TMEM201: variants seen among roughly 807,000 people sequenced by gnomAD.
The protein encoded by TMEM201 is transmembrane protein 201, also known as RP13-15M17.2.
TMEM201 carries 26 observed loss-of-function variants against 63.4 expected under a neutral mutation model. That is an observed-to-expected ratio of 0.41 (90% CI 0.30 to 0.57). TMEM201 has a LOEUF of 0.57. Among genes scored for constraint, TMEM201 ranks in the 20% least tolerant of loss-of-function variants. TMEM201 has a pLI of 0.29. For synonymous variants in TMEM201, 417 were observed against 421.6 expected (o/e 0.99, Z 0.14); for missense variants, 794 against 917.7 (o/e 0.87, Z 1.74).
In TMEM201 at chr1:9,603,532, G is replaced by T; in HGVS notation, c.1160+1260G>T. On this transcript the variant is annotated intron_variant, in intron 6 of 10. Transcript: ENST00000340381. This position sits in a 1 kb window ranked among gnomAD's most constrained non-coding sequence, Gnocchi z 4.5. ...CTGCCACTCGCCACTCTGAGCACGA[G>T]TTCACCTTCCAGATGTGGCCAGGGT... 1.0e-6 allele frequency: 1 copy of T among 985,578 alleles called. No individual in the cohort carries two copies. The highest frequency in any genetic ancestry group is 1.2e-6 in the Non-Finnish European group (1 of 830,034). 61.1% of individuals were successfully genotyped at this position (985,578 alleles called of 1,614,324 possible).
At position 9,607,233 on chromosome 1, in the gene TMEM201, C is replaced by A. The variant is rs1279619143; in HGVS notation, c.1161-324C>A. ...GGGGCTGGGCATTTTTGCTTCAAGG[C>A]GAAAGGGTTGGCATGAGGTTGGCAA... is the stretch of plus-strand genomic sequence containing the variant. On this transcript the variant is annotated intron_variant, in intron 6 of 10. Coordinates refer to ENST00000340381, the MANE Select transcript of TMEM201 (RefSeq NM_001130924.3). The surrounding 1 kb of genome is among the most constrained non-coding windows in gnomAD (Gnocchi z 5.4). Among the ~76,000 whole-genome samples the A allele has an allele frequency of 6.6e-6, 1 of 151,690 alleles. No individual in the cohort carries two copies. The highest frequency in any genetic ancestry group is 2.4e-5 in the African/African-American group (1 of 41,216).
Position 9,604,513 on chromosome 1 carries a change from T to C in TMEM201, c.1160+2241T>C, listed in dbSNP as rs1644207252. The C allele has an allele frequency of 1.0e-6, 1 of 985,338 alleles. No homozygotes were observed. The highest frequency in any genetic ancestry group is 1.7e-5 in the African/African-American group (1 of 57,240). The allele number at this position is 985,338 out of a possible 1,614,324, so 61.0% of individuals were successfully genotyped here. Reference sequence around the variant, plus strand: ...GCAGGCACCACTGTGTTGTGGCTTGTTGACCGGGAATGTGTCACCCCTGCC... The same window carrying C: ...GCAGGCACCACTGTGTTGTGGCTTGCTGACCGGGAATGTGTCACCCCTGCC... On this transcript the variant is annotated intron_variant, in intron 6 of 10. Coordinates refer to ENST00000340381, the MANE Select transcript of TMEM201 (RefSeq NM_001130924.3). This position sits in a 1 kb window ranked among gnomAD's most constrained non-coding sequence, Gnocchi z 4.1.
At chr1:9,590,164 C>G (rs1643895702) in intron 1 of TMEM201, among the ~76,000 whole-genome samples, 1 of 152,112 alleles carries the variant, frequency 6.6e-6, no homozygotes, top group African/African-American at 2.4e-5. Flanking sequence ...TTGAGTGACC[C>G]CAGCCCAGAG....
At chr1:9,602,827 T>G in intron 6 of TMEM201, 1 of 986,652 alleles carries the variant, frequency 1.0e-6, no homozygotes. Context: ...TCTGTCCCCT[T>G]GGTCCTGCTT....
chr1:9,597,398 T>A (rs1644045952), intron 3 of TMEM201, among the ~76,000 whole-genome samples: 2 of 152,190 alleles, frequency 1.3e-5, no homozygotes, highest in Admixed American at 1.3e-4. Context: ...GACCTTGGGT[T>A]CCAGGTGGGG....
chr1:9,595,672 T>G (rs902017872), intron 1 of TMEM201, among the ~76,000 whole-genome samples: 2 of 152,164 alleles, frequency 1.3e-5, no homozygotes, highest in African/African-American at 4.8e-5. Flanking sequence ...CCCTGTCTGG[T>G]CCTGGGTGGA....
At position 9,604,028 on chromosome 1, in the gene TMEM201, C is replaced by T. The variant is rs1644197450; in HGVS notation, c.1160+1756C>T. On this transcript the variant is annotated intron_variant, in intron 6 of 10. Coordinates refer to ENST00000340381, the MANE Select transcript of TMEM201 (RefSeq NM_001130924.3). This position sits in a 1 kb window ranked among gnomAD's most constrained non-coding sequence, Gnocchi z 4.1. ...ACCTGAGGGGCAGGGAACCGCCTGC[C>T]TGTGCACTCACGCCACCCCCCAGCC... 4.1e-6 allele frequency: 4 copies of T among 985,482 alleles called. No individual in the cohort carries two copies. Among genetic ancestry groups the T allele is most frequent in the African/African-American group, 3.5e-5 (2 of 57,364 alleles). The allele number at this position is 985,482 out of a possible 1,614,324, so 61.0% of individuals were successfully genotyped here.
chr1:9,593,167 T>G (rs1474059570), intron 1 of TMEM201, among the ~76,000 whole-genome samples: 1 of 152,202 alleles, frequency 6.6e-6, no homozygotes, highest in Admixed American at 6.5e-5. Context: ...AGATGCTGCC[T>G]CAACAGGCCG....
At chr1:9,612,013 C>T (rs1356683891) in intron 10 of TMEM201, 123 bp downstream of exon 10, 2 of 1,178,444 alleles carry the variant, frequency 1.7e-6, no homozygotes, top group Non-Finnish European at 2.3e-6. Flanking sequence ...CCTGAGTGGC[C>T]GACAAGTAAC....
At chr1:9,597,986 C>T (rs1644056937) in intron 3 of TMEM201, among the ~76,000 whole-genome samples, 1 of 152,172 alleles carries the variant, frequency 6.6e-6, no homozygotes, top group African/African-American at 2.4e-5. Flanking sequence ...CTGAAAGAAA[C>T]CTTCACCTGC....
rs1312287560 is a variant in TMEM201, at chr1:9,614,288, T to C, written c.*1205T>C. The C allele has an allele frequency of 1.3e-5, 2 of 152,146 alleles. No individual in the cohort carries two copies. The highest frequency in any genetic ancestry group is 4.8e-5 in the African/African-American group (2 of 41,424). 9.4% of individuals were successfully genotyped at this position (152,146 alleles called of 1,614,324 possible). A position where few individuals can be genotyped will look rare whatever the true frequency, so the allele number is the denominator to read the frequency against. On this transcript the variant is annotated 3_prime_UTR_variant, in exon 11 of 11. Coordinates refer to ENST00000340381, the MANE Select transcript of TMEM201 (RefSeq NM_001130924.3). ...GGGATAAAGTTTAATTTTATTTTTC[T>C]ACACATTTTGCCAGGTCAGGCATTT...
rs575525218 is a variant in TMEM201 at position 9,610,432 on chromosome 1, A to G, written c.1466-74A>G. The G allele has an allele frequency of 8.1e-6, 11 of 1,360,482 alleles. No individual in the cohort carries two copies. The South Asian group carries it at 1.5e-4, about 18-fold the overall frequency. 84.3% of individuals were successfully genotyped at this position (1,360,482 alleles called of 1,614,324 possible). ...CCCGGGTTAATAGAAGAATGCCCCC[A>G]GAAATGAAATAGCGCATTGTAGCGT... On this transcript the variant is annotated intron_variant, in intron 8 of 10. Transcript: ENST00000340381. The surrounding 1 kb of genome is among the most constrained non-coding windows in gnomAD (Gnocchi z 4.9).
At chr1:9,599,788 T>G (rs1045643061) in intron 4 of TMEM201, among the ~76,000 whole-genome samples, 4 of 151,362 alleles carry the variant, frequency 2.6e-5, no homozygotes, top group African/African-American at 7.3e-5. Context: ...TTTTTTGTAT[T>G]TTTAGTAGAG....
intron 6 of TMEM201, chr1:9,602,849 G>A (rs547853667): frequency 1.9e-5 from 19 of 985,778 alleles, no homozygotes; most frequent in African/African-American, 1.4e-4. Flanking sequence ...TGGCTGGACC[G>A]GCCCTGCAGG....
chr1:9,601,600 G>T, intron 5 of TMEM201, 146 bp downstream of exon 5: 4 of 849,316 alleles, frequency 4.7e-6, no homozygotes, highest in Non-Finnish European at 3.5e-6. Flanking sequence ...GGTCCCAGGG[G>T]CTGGGAGTCG....
At position 9,605,228 on chromosome 1, in the gene TMEM201, A is replaced by G. The variant is rs1207368308; in HGVS notation, c.1161-2329A>G. Among the ~76,000 whole-genome samples the G allele has an allele frequency of 6.6e-6, 1 of 152,170 alleles. No homozygotes were observed. The highest frequency in any genetic ancestry group is 6.5e-5 in the Admixed American group (1 of 15,286). On this transcript the variant is annotated intron_variant, in intron 6 of 10. Coordinates refer to ENST00000340381, the MANE Select transcript of TMEM201 (RefSeq NM_001130924.3). This position sits in a 1 kb window ranked among gnomAD's most constrained non-coding sequence, Gnocchi z 5.7. The stretch of plus-strand genomic sequence containing the variant: ...GGGATTGGGTCGGAGAAGACCAGAC[A>G]TCTCCCCTTGGTGTCAGATGAGCGT...
intron 1 of TMEM201, among the ~76,000 whole-genome samples, chr1:9,593,621 T>C (rs1269658652): frequency 2.6e-5 from 4 of 152,174 alleles, no homozygotes; most frequent in African/African-American, 9.7e-5. Flanking sequence ...AGATTCAGAA[T>C]GGAAACATGA....
In TMEM201 at chr1:9,598,622, A is replaced by G. The variant is rs1384417588; in HGVS notation, c.603A>G (p.Ala201=). The G allele has an allele frequency of 1.9e-6, 3 of 1,612,606 alleles. No homozygotes were observed. In the South Asian group the frequency reaches 3.3e-5, roughly 18 times the overall value. Residue 201 remains alanine (A), a synonymous_variant, in exon 4 of 11, where the codon GCA becomes GCG. Coordinates refer to ENST00000340381, the MANE Select transcript of TMEM201 (RefSeq NM_001130924.3). ...FKRREADQTH[A]QNFSSAVKSP... is the part of the protein sequence containing the mutation. ...GCCGGGAGGCCGACCAGACCCACGC[A>G]CAGGTGAGAGGCGGCATCCACAGGG...
rs543796084 is a variant in TMEM201, at chr1:9,596,729, G to T, written c.235-130G>T. ...AAAGCAGCTGCTGTTGTGTGCAGAAGAAAAAAAAGAATGGAGATGTTTGAG... is the reference window on the plus strand; with the variant it reads ...AAAGCAGCTGCTGTTGTGTGCAGAATAAAAAAAAGAATGGAGATGTTTGAG... On this transcript the variant is annotated intron_variant, in intron 2 of 10. Coordinates refer to ENST00000340381, the MANE Select transcript of TMEM201 (RefSeq NM_001130924.3). 45 of 958,556 alleles carry T rather than the reference G, an allele frequency of 4.7e-5. No homozygotes were observed. The East Asian group carries it at 9.1e-4, about 19-fold the overall frequency. 59.4% of individuals were successfully genotyped at this position (958,556 alleles called of 1,614,324 possible).
Sources: gnomAD v4.1 joint callset for allele counts (sites outside exome capture counted in the v4.1 genomes callset) on GRCh38, gnomAD v4.1.1 for gene constraint, Gnocchi (gnomAD v3.1) non-coding constraint, MANE v1.5 for transcripts, NCBI Gene and HGNC (gene_info 2026-07-23, HGNC 2026-07-21) for gene names.